KMT2C: variants seen among roughly 807,000 people sequenced by gnomAD.
The protein encoded by KMT2C is histone-lysine N-methyltransferase 2C.
A neutral mutation model predicts 507.9 loss-of-function variants in KMT2C; 88 were observed. The observed-to-expected ratio is 0.17, with a 90% CI of 0.15 to 0.21. The LOEUF is 0.21. KMT2C is among the 10% of genes least tolerant of loss of function. KMT2C has a pLI of 1.00. For synonymous variants in KMT2C, 2,049 were observed against 2,080.8 expected, an observed-to-expected ratio of 0.98 and a Z score of 0.42; for missense variants, 4,954 against 5,957.8, an observed-to-expected ratio of 0.83 and a Z score of 5.55.
chr7:152,174,293 C>CA (rs1174197985), intron 38 of KMT2C, 51 bp from the exon 39 acceptor site: 1 of 861,810 alleles, frequency 1.2e-6, no homozygotes, highest in Non-Finnish European at 1.9e-6. Context: ...GTTCAACGTA[C>CA]ACTAAGAAGT....
rs754408019 is a variant in KMT2C at position 152,163,113 on chromosome 7, T to C, written c.10464A>G (p.Ile3488Met). ...AGGGTGAATTAATTGATCCTTGTTG[T>C]ATATTCTGCTGCTGTAAAACCTGCC... is the stretch of plus-strand genomic sequence containing the variant. ...QMGQVLQQQNIQQGSINSPST... is the reference protein window; with the variant it reads ...QMGQVLQQQNMQQGSINSPST... Residue 3488 changes from isoleucine to methionine, a missense_variant, in exon 43 of 59, where the codon ATA becomes ATG. By Grantham distance (10) the Ile-to-Met change is conservative (BLOSUM62 1). Transcript: ENST00000262189. The C allele has an allele frequency of 3.1e-6, 5 of 1,614,112 alleles. No homozygotes were observed. The Admixed American group carries it at 6.7e-5, about 22-fold the overall frequency.
At chr7:152,185,454 C>G in intron 34 of KMT2C, 104 bp downstream of exon 34, 1 of 800,492 alleles carries the variant, frequency 1.2e-6, no homozygotes, top group South Asian at 1.7e-5. Context: ...CAGGTACTAA[C>G]AAGCATTTTC....
chr7:152,162,572 G>C lies in KMT2C; in HGVS notation c.11005C>G (p.Pro3669Ala), dbSNP rs2129103851. 1 of 1,614,232 alleles carries C rather than the reference G, an allele frequency of 6.2e-7. No homozygotes were observed. The highest frequency in any genetic ancestry group is 8.5e-7 in the Non-Finnish European group (1 of 1,180,040). Residue 3669 changes from proline (P) to alanine (A), a missense_variant, in exon 43 of 59, where the codon CCC becomes GCC. Coordinates refer to ENST00000262189, the MANE Select transcript of KMT2C (RefSeq NM_170606.3). ...ESVEPVGPST[P>A]NMAAGQLCTE... The stretch of plus-strand genomic sequence containing the variant: ...CATAGCTGGCCTGCTGCCATATTGG[G>C]AGTGGATGGGCCGACTGGTTCCACC...
At chr7:152,419,368 G>C (rs2116724453) in intron 1 of KMT2C, among the ~76,000 whole-genome samples, 1 of 151,952 alleles carries the variant, frequency 6.6e-6, no homozygotes, top group Non-Finnish European at 1.5e-5. Context: ...AAAAGTGGGG[G>C]AAAGAAAACA....
chr7:152,262,988 T>TA (rs746399595), intron 9 of KMT2C, 28 bp downstream of exon 9: 3 of 1,546,566 alleles, frequency 1.9e-6, no homozygotes, highest in Admixed American at 3.6e-5. Context: ...AGAGAGGATT[T>TA]AAAAAAATAA....
At chr7:152,189,284 A>G (rs2093719528) in intron 31 of KMT2C, among the ~76,000 whole-genome samples, 1 of 152,174 alleles carries the variant, frequency 6.6e-6, no homozygotes, top group Non-Finnish European at 1.5e-5. Flanking sequence ...AACAACAACA[A>G]AAACTTTGTT....
In KMT2C at chr7:152,414,191, C is replaced by G. The variant is rs1273967505; in HGVS notation, c.161+21435G>C. Among the ~76,000 whole-genome samples the G allele has an allele frequency of 2.7e-5, 4 of 147,788 alleles. No homozygotes were observed. The East Asian group carries it at 8.0e-4, about 30-fold the overall frequency. On this transcript the variant is annotated intron_variant, in intron 1 of 58. Coordinates refer to ENST00000262189, the MANE Select transcript of KMT2C (RefSeq NM_170606.3). ...TGCCACTGCACTCCAGCCTGGGCGA[C>G]ATAGTGAGACTCTGTTTCAAAAAAA...
chr7:152,220,445 T>G (rs182255465), intron 23 of KMT2C, 78 bp downstream of exon 23: 22 of 1,130,288 alleles, frequency 1.9e-5, no homozygotes, highest in Non-Finnish European at 2.5e-5. Flanking sequence ...CTTTGGTAAA[T>G]CATACACATA....
chr7:152,362,299 C>T (rs1054534733), intron 1 of KMT2C, among the ~76,000 whole-genome samples: 5 of 151,884 alleles, frequency 3.3e-5, no homozygotes, highest in African/African-American at 1.2e-4. Flanking sequence ...GAGATGAGAG[C>T]AAGTGAGGGG....
intron 1 of KMT2C, among the ~76,000 whole-genome samples, chr7:152,413,259 C>T (rs74483407): frequency 2.6e-5 from 4 of 152,108 alleles, no homozygotes; most frequent in Non-Finnish European, 5.9e-5. Flanking sequence ...GGACTACTAA[C>T]GCGGGCCACC....
At chr7:152,313,491 A>G (rs886823941) in intron 4 of KMT2C, among the ~76,000 whole-genome samples, 8 of 152,134 alleles carry the variant, frequency 5.3e-5, no homozygotes, top group Admixed American at 2.0e-4. Flanking sequence ...TTAGAAAGAG[A>G]TATCAAGAGG....
chr7:152,241,820 A>G (rs1231733142), intron 14 of KMT2C, among the ~76,000 whole-genome samples: 1 of 152,250 alleles, frequency 6.6e-6, no homozygotes, highest in South Asian at 2.1e-4. Context: ...TCGTACTCTA[A>G]GATAAAAATA....
chr7:152,298,505 T>C (rs998583157), intron 6 of KMT2C, among the ~76,000 whole-genome samples: 2 of 152,210 alleles, frequency 1.3e-5, no homozygotes, highest in Non-Finnish European at 2.9e-5. Flanking sequence ...TCTAAAGTTC[T>C]AGAAGAAAAA....
chr7:152,389,409 T>C (rs1378306795), intron 1 of KMT2C, among the ~76,000 whole-genome samples: 3 of 151,816 alleles, frequency 2.0e-5, no homozygotes, highest in Admixed American at 6.6e-5. Context: ...TGGTATTTTG[T>C]TATGGTAGCT....
intron 16 of KMT2C, 33 bp from the exon 17 acceptor site, chr7:152,230,354 T>TA (rs2095070653): frequency 1.0e-6 from 1 of 974,708 alleles, no homozygotes; most frequent in African/African-American, 1.6e-5. Context: ...AATACGAAGT[T>TA]ATATTTTTCA....
At chr7:152,244,149 A>C (rs528833177) in intron 14 of KMT2C, among the ~76,000 whole-genome samples, 5 of 152,360 alleles carry the variant, frequency 3.3e-5, no homozygotes, top group Middle Eastern at 3.4e-3. Flanking sequence ...AGCATTCCTT[A>C]CAGTATTCAG....
chr7:152,292,850 G>C (rs2096450445), intron 6 of KMT2C, among the ~76,000 whole-genome samples: 1 of 152,120 alleles, frequency 6.6e-6, no homozygotes, highest in African/African-American at 2.4e-5. Context: ...AAGGGGAAAA[G>C]AAAATTTAAG....
At position 152,252,623 on chromosome 7, in the gene KMT2C, A is replaced by G. The variant is rs1563594782; in HGVS notation, c.1392T>C (p.Asp464=). ...ACTTCCCACAGAAGGGACATAAGTT[A>G]TCCTGCTGTTGGTAACAATTGTCAC... ...LICDNCYQQQ[D]NLCPFCGKCY... is the part of the protein sequence containing the mutation. The change falls in exon 10 of 59, where the codon GAT becomes GAC. Residue 464 remains aspartate, a synonymous_variant. Coordinates refer to ENST00000262189, the MANE Select transcript of KMT2C (RefSeq NM_170606.3). 1 of 1,613,442 alleles carries G rather than the reference A, an allele frequency of 6.2e-7. No homozygotes were observed. Among genetic ancestry groups the G allele is most frequent in the Non-Finnish European group, 8.5e-7 (1 of 1,179,432 alleles).
At chr7:152,412,648 C>T (rs1385258901) in intron 1 of KMT2C, among the ~76,000 whole-genome samples, 4 of 152,056 alleles carry the variant, frequency 2.6e-5, no homozygotes, top group Admixed American at 6.6e-5. Flanking sequence ...AAAGAAACAA[C>T]GTAACTGCAG....
Sources: gnomAD v4.1 joint callset for allele counts (sites outside exome capture counted in the v4.1 genomes callset) on GRCh38, gnomAD v4.1.1 for gene constraint, MANE v1.5 for transcripts, NCBI Gene and HGNC (gene_info 2026-07-23, HGNC 2026-07-21) for gene names.